The following PYROXD2 variants were observed in gnomAD, a reference collection of about 807,000 sequenced individuals.
PYROXD2 encodes the protein pyridine nucleotide-disulphide oxidoreductase domain 2.
A neutral mutation model predicts 71.1 loss-of-function variants in PYROXD2; 69 were observed. The ratio of observed to expected loss-of-function variants is 0.97; its 90% confidence interval spans 0.80 to 1.19. The LOEUF is 1.19. Ranked by LOEUF, PYROXD2 falls within the 50% of genes most tolerant of loss-of-function variation. PYROXD2 has a pLI of 0.00. For synonymous variants in PYROXD2, 287 were observed against 302.7 expected (o/e 0.95, Z 0.54); for missense variants, 745 against 748.9 (o/e 0.99, Z 0.06).
At chr10:98,402,595 A>AT (rs1843452106) in intron 4 of PYROXD2, among the ~76,000 whole-genome samples, 1 of 152,268 alleles carries the variant, frequency 6.6e-6, no homozygotes, top group African/African-American at 2.4e-5. Flanking sequence ...GCAGGCACAG[A>AT]TAAAACAAAA....
chr10:98,404,007 C>CCTAAATGGAGGCTCTT (rs1158185826), intron 4 of PYROXD2, among the ~76,000 whole-genome samples: 1 of 152,142 alleles, frequency 6.6e-6, no homozygotes, highest in Non-Finnish European at 1.5e-5. Flanking sequence ...CATAATGAAA[C>CCTAAATGGAGGCTCTT]CTAAATGGAG....
Position 98,385,179 on chromosome 10 carries a change from T to C in PYROXD2, c.1555-112A>G, listed in dbSNP as rs915294950. 5 of 1,415,150 alleles carry C rather than the reference T, an allele frequency of 3.5e-6. No individual in the cohort carries two copies. In the African/African-American group the frequency reaches 7.2e-5, roughly 20 times the overall value. 87.7% of individuals were successfully genotyped at this position (1,415,150 alleles called of 1,614,324 possible). On this transcript the variant is annotated intron_variant, in intron 14 of 15. Transcript: ENST00000370575. ...AGCAAATGTTCTTCTCCTTCCAGGA[T>C]ATTTTCTTGGGTTTTAAAATGCAGA...
intron 11 of PYROXD2, 23 bp from the exon 12 acceptor site, chr10:98,390,777 C>G: frequency 6.4e-7 from 1 of 1,555,656 alleles, no homozygotes. Flanking sequence ...AGAGGAGGGT[C>G]AGGTCTTAGC....
intron 4 of PYROXD2, among the ~76,000 whole-genome samples, chr10:98,404,636 T>G (rs1417352271): frequency 6.6e-6 from 1 of 152,118 alleles, no homozygotes; most frequent in Non-Finnish European, 1.5e-5. Context: ...GCATGCACAG[T>G]CATCCTGGGT....
chr10:98,393,047 C>T lies in PYROXD2; in HGVS notation c.822G>A (p.Glu274=), dbSNP rs920924935. The T allele has an allele frequency of 4.4e-6, 7 of 1,594,220 alleles. No individual in the cohort carries two copies. Among genetic ancestry groups the T allele is most frequent in the Non-Finnish European group, 6.0e-6 (7 of 1,173,180 alleles). The change falls in exon 9 of 16, where the codon GAG becomes GAA. Residue 274 remains glutamate, a synonymous_variant. Transcript: ENST00000370575. ...VLLHHVMGGL[E]GMQGAWGYVQ... is the part of the protein sequence containing the mutation. ...CGTAGCCCCAGGCCCCCTGCATTCC[C>T]TCCAGGCCCCCCATCACATGGTGCA...
At chr10:98,396,914 A>G (rs1416683385) in intron 6 of PYROXD2, among the ~76,000 whole-genome samples, 3 of 152,182 alleles carry the variant, frequency 2.0e-5, no homozygotes, top group African/African-American at 4.8e-5. Flanking sequence ...ATAGAACCCA[A>G]TGGATAAATA....
At chr10:98,399,484 C>T (rs2135984966) in intron 5 of PYROXD2, among the ~76,000 whole-genome samples, 1 of 152,286 alleles carries the variant, frequency 6.6e-6, no homozygotes, top group East Asian at 1.9e-4. Flanking sequence ...CTAGACAAGG[C>T]CACCCAGCAG....
At chr10:98,410,172 C>G (rs59059776) in intron 2 of PYROXD2, among the ~76,000 whole-genome samples, 5 of 152,354 alleles carry the variant, frequency 3.3e-5, no homozygotes, top group African/African-American at 1.2e-4. Context: ...TCAAGTAAAA[C>G]TTAGACATCA....
Position 98,390,689 on chromosome 10 carries a change from G to A in PYROXD2, c.1201C>T (p.His401Tyr). ...PNAPRGQPLP[H>Y]HQCSIHLNCE... ...TTCAGGTGGATGGAGCATTGGTGAT[G>A]GGGCAGCGGCTGGCCCCTGGGAGCA... The change falls in exon 12 of 16, where the codon CAT becomes TAT. Residue 401 changes from histidine to tyrosine, a missense_variant. His to Tyr is a moderately conservative substitution (Grantham distance 83). Transcript: ENST00000370575. 6.2e-7 allele frequency: 1 copy of A among 1,613,026 alleles called. No individual in the cohort carries two copies. The highest frequency in any genetic ancestry group is 8.5e-7 in the Non-Finnish European group (1 of 1,179,362).
At chr10:98,411,814 A>G (rs10736129) in intron 1 of PYROXD2, 54,974 of 152,150 alleles carry the variant, frequency 0.36, 11,073 homozygotes, top group African/African-American at 0.53. Context: ...ATTAACTCTT[A>G]CCATATGAGA....
intron 8 of PYROXD2, among the ~76,000 whole-genome samples, chr10:98,394,527 C>T (rs562965070): frequency 6.7e-6 from 1 of 148,290 alleles, no homozygotes; most frequent in East Asian, 2.0e-4. Context: ...CAACCCTTGG[C>T]TGCATTCTCC....
intron 4 of PYROXD2, 41 bp downstream of exon 4, chr10:98,407,541 C>T (rs1426392042): frequency 6.2e-7 from 1 of 1,609,284 alleles, no homozygotes; most frequent in Non-Finnish European, 8.5e-7. Context: ...GATGGAACTG[C>T]CTCCTCCCTC....
At position 98,397,516 on chromosome 10, in the gene PYROXD2, A is replaced by C; in HGVS notation, c.472-18T>G. ...GGAAAGACCTGGAACAGAGCTCTGC[A>C]TTAAGGCCCCACTGTCCACATCCCT... is the stretch of plus-strand genomic sequence containing the variant. On this transcript the variant is annotated intron_variant, in intron 5 of 15. Coordinates refer to ENST00000370575, the MANE Select transcript of PYROXD2 (RefSeq NM_032709.3). The C allele has an allele frequency of 6.3e-7, 1 of 1,575,372 alleles. No homozygotes were observed. Among genetic ancestry groups the C allele is most frequent in the Non-Finnish European group, 8.7e-7 (1 of 1,155,044 alleles).
intron 4 of PYROXD2, among the ~76,000 whole-genome samples, chr10:98,401,265 AAC>A (rs1305759491): frequency 2.0e-5 from 3 of 147,096 alleles, no homozygotes; most frequent in African/African-American, 2.6e-5. Flanking sequence ...AAAAAAAAAA[AAC>A]AAAAAAAAAC....
chr10:98,386,741 G>T (rs918106323), intron 14 of PYROXD2, among the ~76,000 whole-genome samples: 2 of 152,030 alleles, frequency 1.3e-5, no homozygotes, highest in African/African-American at 2.4e-5. Context: ...TAGAGATGGG[G>T]TCTCACTACG....
At chr10:98,404,842 GCAAGAACCCCTGGGGTT>G (rs532124931) in intron 4 of PYROXD2, among the ~76,000 whole-genome samples, 11 of 152,336 alleles carry the variant, frequency 7.2e-5, no homozygotes, top group Non-Finnish European at 1.5e-4. Context: ...AGACTCGTGA[GCAAGAACCCCTGGGGTT>G]TCCCCAGCAG....
chr10:98,401,949 T>C (rs1218014876), intron 4 of PYROXD2, among the ~76,000 whole-genome samples: 3 of 152,244 alleles, frequency 2.0e-5, no homozygotes, highest in Admixed American at 1.3e-4. Context: ...AAAAGTATAG[T>C]ATAATAAATA....
At chr10:98,388,939 G>T (rs1842854201) in intron 12 of PYROXD2, among the ~76,000 whole-genome samples, 1 of 152,102 alleles carries the variant, frequency 6.6e-6, no homozygotes, top group Non-Finnish European at 1.5e-5. Flanking sequence ...TGCTAGGGCT[G>T]CCCCGAGCCC....
At chr10:98,390,539 C>T (rs554281572) in intron 12 of PYROXD2, 59 bp downstream of exon 12, 7 of 1,503,710 alleles carry the variant, frequency 4.7e-6, no homozygotes, top group South Asian at 1.4e-5. Context: ...GCATGGACAG[C>T]CCCGCCTCCC....
Sources: gnomAD v4.1 joint callset for allele counts (sites outside exome capture counted in the v4.1 genomes callset) on GRCh38, gnomAD v4.1.1 for gene constraint, MANE v1.5 for transcripts, NCBI Gene and HGNC (gene_info 2026-07-23, HGNC 2026-07-21) for gene names.